ME1: variants seen among roughly 807,000 people sequenced by gnomAD.
ME1 encodes malic enzyme 1, also known as NADP-dependent malic enzyme.
In ME1, 74 loss-of-function variants were observed where a neutral mutation model predicts 66.4. The observed-to-expected ratio is 1.11, with a 90% CI of 0.92 to 1.35. ME1 has a LOEUF of 1.35. Among genes scored for constraint, ME1 ranks in the 40% most tolerant of loss-of-function variants. The pLI is 0.00. For missense variants in ME1, 750 were observed against 694.1 expected (o/e 1.08, Z -0.90); for synonymous variants, 251 against 235.6 (o/e 1.07, Z -0.60).
chr6:83,355,978 G>T (rs1768882048), intron 3 of ME1, among the ~76,000 whole-genome samples: 1 of 152,024 alleles, frequency 6.6e-6, no homozygotes, highest in Non-Finnish European at 1.5e-5. Flanking sequence ...TTTAAAATAT[G>T]GATGCTTTTT....
At position 83,352,146 on chromosome 6, in the gene ME1, A is replaced by C; in HGVS notation, c.363-7T>G. 6 of 292,706 alleles carry C rather than the reference A, an allele frequency of 2.0e-5. No individual in the cohort carries two copies. The highest frequency in any genetic ancestry group is 5.6e-5 in the South Asian group (1 of 17,960). The allele number at this position is 292,706 out of a possible 1,614,324, so 18.1% of individuals were successfully genotyped here. A position where few individuals can be genotyped will look rare whatever the true frequency, so the allele number is the denominator to read the frequency against. On this transcript the variant is annotated splice_region_variant and splice_polypyrimidine_tract_variant and intron_variant, in intron 3 of 13. Coordinates refer to ENST00000369705, the MANE Select transcript of ME1 (RefSeq NM_002395.6). ...GATAGTAATAAAGAGACCTCTGCAG[A>C]AAAAAAAAAAAAAAAAGGAGTAGTT...
chr6:83,392,082 A>C (rs926882887), intron 3 of ME1, among the ~76,000 whole-genome samples: 1 of 152,238 alleles, frequency 6.6e-6, no homozygotes, highest in Non-Finnish European at 1.5e-5. Context: ...ATATAGTAAA[A>C]GCTCTCAAAA....
At chr6:83,215,295 A>G (rs1201608654) in intron 13 of ME1, among the ~76,000 whole-genome samples, 9 of 152,188 alleles carry the variant, frequency 5.9e-5, no homozygotes, top group Non-Finnish European at 1.0e-4. Flanking sequence ...AATGTCTGGA[A>G]ACAGCTTTGG....
In ME1 at chr6:83,223,782, T is replaced by C. The variant is rs1790135285; in HGVS notation, c.1427A>G (p.Asn476Ser). ...TACCTCAGCAGTAGTGAGGAAAATA[T>C]TATCTGTGATCTGCCTCAATCCACA... The part of the protein sequence containing the change: ...VACGLRQITD[N>S]IFLTTAEVIA... Residue 476 changes from asparagine to serine, a missense_variant, in exon 12 of 14, where the codon AAT becomes AGT. Physicochemically the swap from Asn to Ser is conservative, Grantham distance 46. Coordinates refer to ENST00000369705, the MANE Select transcript of ME1 (RefSeq NM_002395.6). 3 of 1,613,772 alleles carry C rather than the reference T, an allele frequency of 1.9e-6. No individual in the cohort carries two copies. The highest frequency in any genetic ancestry group is 1.1e-5 in the South Asian group (1 of 91,054).
intron 3 of ME1, among the ~76,000 whole-genome samples, chr6:83,363,853 C>G (rs1348220354): frequency 2.6e-5 from 4 of 152,056 alleles, no homozygotes; most frequent in Admixed American, 2.6e-4. Context: ...CTTTATGTAA[C>G]AGTATTTGGG....
At chr6:83,281,239 T>C (rs1767280838) in intron 6 of ME1, among the ~76,000 whole-genome samples, 1 of 152,168 alleles carries the variant, frequency 6.6e-6, no homozygotes, top group African/African-American at 2.4e-5. Flanking sequence ...ATATAACCTT[T>C]CAAAACATCA....
chr6:83,243,563 AATCT>A (rs1327298677), intron 7 of ME1, among the ~76,000 whole-genome samples: 1 of 55,978 alleles, frequency 1.8e-5, no homozygotes, highest in Admixed American at 1.9e-4. Flanking sequence ...ATATCGATAT[AATCT>A]ATTATAATTA....
At chr6:83,377,952 A>G (rs1273670097) in intron 3 of ME1, among the ~76,000 whole-genome samples, 2 of 152,200 alleles carry the variant, frequency 1.3e-5, no homozygotes, top group South Asian at 2.1e-4. Context: ...TATTCAAACC[A>G]TAGAAAAATG....
intron 6 of ME1, among the ~76,000 whole-genome samples, chr6:83,281,855 G>A (rs28686856): frequency 0.059 from 2,445 of 41,428 alleles, no homozygotes; most frequent in Middle Eastern, 0.12. Context: ...ACAAAAAAGA[G>A]AAAAAAAAAA....
At chr6:83,229,667 C>T (rs12192324) in intron 9 of ME1, among the ~76,000 whole-genome samples, 1 of 152,152 alleles carries the variant, frequency 6.6e-6, no homozygotes, top group East Asian at 1.9e-4. Context: ...AAGGGACTTG[C>T]TCAAGGCAAG....
At chr6:83,261,900 G>A (rs909253911) in intron 6 of ME1, among the ~76,000 whole-genome samples, 41 of 151,386 alleles carry the variant, frequency 2.7e-4, no homozygotes, top group African/African-American at 8.7e-4. Context: ...TGTAATCCCA[G>A]CTACTTGGGA....
chr6:83,247,056 A>C (rs1467037621), intron 7 of ME1, among the ~76,000 whole-genome samples: 2 of 152,174 alleles, frequency 1.3e-5, no homozygotes, highest in Admixed American at 6.5e-5. Flanking sequence ...CAAAGCATTC[A>C]GTATAAGATT....
chr6:83,223,302 A>G (rs6913384), intron 12 of ME1, among the ~76,000 whole-genome samples: 28,381 of 152,028 alleles, frequency 0.19, 3,754 homozygotes, highest in African/African-American at 0.36. Context: ...TCACAGGCAC[A>G]CACCACCATG....
At chr6:83,362,579 G>A (rs755656195) in intron 3 of ME1, among the ~76,000 whole-genome samples, 2 of 152,158 alleles carry the variant, frequency 1.3e-5, no homozygotes, top group Admixed American at 6.5e-5. Context: ...ACTGCTAAGC[G>A]CCCAATTTGC....
chr6:83,394,790 T>C (rs753117780), intron 3 of ME1, among the ~76,000 whole-genome samples: 1 of 152,212 alleles, frequency 6.6e-6, no homozygotes, highest in Non-Finnish European at 1.5e-5. Context: ...AAAGTATTAA[T>C]ATGTATTTAT....
At chr6:83,415,906 T>C (rs757529862) in intron 1 of ME1, among the ~76,000 whole-genome samples, 9 of 152,154 alleles carry the variant, frequency 5.9e-5, no homozygotes, top group Non-Finnish European at 1.2e-4. Context: ...GGACAGACAA[T>C]TATTTGTTGT....
At chr6:83,318,436 GA>G (rs1317341186) in intron 5 of ME1, among the ~76,000 whole-genome samples, 1 of 121,774 alleles carries the variant, frequency 8.2e-6, no homozygotes, top group African/African-American at 3.0e-5. Flanking sequence ...AATCTACAAT[GA>G]ACTCAAACAA....
At chr6:83,326,998 T>C (rs1437404612) in intron 5 of ME1, among the ~76,000 whole-genome samples, 1 of 152,196 alleles carries the variant, frequency 6.6e-6, no homozygotes, top group Non-Finnish European at 1.5e-5. Flanking sequence ...ATTTATTAGT[T>C]CCCCAAATTG....
chr6:83,329,660 T>A (rs755668808), intron 5 of ME1, among the ~76,000 whole-genome samples: 2 of 152,220 alleles, frequency 1.3e-5, no homozygotes, highest in African/African-American at 2.4e-5. Flanking sequence ...TTCATTTATA[T>A]TCCTTTTATA....
Sources: gnomAD v4.1 joint callset for allele counts (sites outside exome capture counted in the v4.1 genomes callset) on GRCh38, gnomAD v4.1.1 for gene constraint, MANE v1.5 for transcripts, NCBI Gene and HGNC (gene_info 2026-07-23, HGNC 2026-07-21) for gene names.